ATIC: variants seen among roughly 807,000 people sequenced by gnomAD.
ATIC encodes the protein bifunctional purine biosynthesis protein ATIC.
A neutral mutation model predicts 72.5 loss-of-function variants in ATIC; 64 were observed. The ratio of observed to expected loss-of-function variants is 0.88; its 90% CI spans 0.72 to 1.09. The LOEUF (loss-of-function observed/expected upper bound fraction) is 1.09. Among genes scored for constraint, ATIC ranks in the 50% least tolerant of loss-of-function variants. ATIC has a pLI of 0.00. For synonymous variants in ATIC, 281 were observed against 267.1 expected (o/e 1.05, Z -0.51); for missense variants, 787 against 732.4 (o/e 1.07, Z -0.86).
rs540900909 is a variant in ATIC at position 215,323,121 on chromosome 2, A to T, written c.291-2120A>T. ...TACCATGCGCAGCTAATTTTTTTGT[A>T]TTTTTAGTAGAGACAGGGTTTCACC... is the stretch of plus-strand genomic sequence containing the variant. On this transcript the variant is annotated intron_variant, in intron 4 of 15. Transcript: ENST00000236959. Among the ~76,000 whole-genome samples the T allele has an allele frequency of 1.4e-4, 22 of 151,786 alleles. No homozygotes were observed. The South Asian group carries it at 4.2e-3, about 29-fold the overall frequency.
chr2:215,334,939 T>C lies in ATIC; in HGVS notation c.943T>C (p.Phe315Leu). Residue 315 changes from phenylalanine (F) to leucine (L), a missense_variant, in exon 10 of 16, where the codon TTT becomes CTT. Physicochemically the swap from Phe to Leu is conservative, Grantham distance 22. Transcript: ENST00000236959. ...RARGADRMSS[F>L]GDFVALSDVC... is the part of the protein sequence containing the mutation. Reference sequence around the variant, plus strand: ...TACAGGGGCTGATAGGATGTCTTCATTTGGTGATTTTGTTGCATTGTCCGA... The same window carrying C: ...TACAGGGGCTGATAGGATGTCTTCACTTGGTGATTTTGTTGCATTGTCCGA... The C allele has an allele frequency of 6.2e-7, 1 of 1,613,598 alleles. No homozygotes were observed. The highest frequency in any genetic ancestry group is 2.2e-5 in the East Asian group (1 of 44,758).
chr2:215,344,101 G>A (rs954084201), intron 12 of ATIC, among the ~76,000 whole-genome samples: 2 of 152,182 alleles, frequency 1.3e-5, no homozygotes, highest in Admixed American at 6.5e-5. Context: ...GGTTCTGAAC[G>A]TAAATTTTAC....
rs148997558 is a variant in ATIC, at chr2:215,339,217, T to G, written c.1227+310T>G. Among the ~76,000 whole-genome samples the G allele has an allele frequency of 5.2e-4, 79 of 152,340 alleles. 1 individual carries two copies. The highest frequency in any genetic ancestry group is 2.9e-4 in the Non-Finnish European group (20 of 68,028). On this transcript the variant is annotated intron_variant, in intron 12 of 15. Transcript: ENST00000236959. ...TCCATGTGCTAGGCTACAAATGTGT[T>G]TTTATATCAATACATATAGATGCTG...
At chr2:215,318,436 G>A (rs1196818916) in intron 3 of ATIC, among the ~76,000 whole-genome samples, 1 of 152,152 alleles carries the variant, frequency 6.6e-6, no homozygotes. Flanking sequence ...AATTCAGATT[G>A]TTTTCCTCTG....
At chr2:215,322,730 G>T (rs2052782408) in intron 4 of ATIC, among the ~76,000 whole-genome samples, 1 of 152,112 alleles carries the variant, frequency 6.6e-6, no homozygotes, top group Non-Finnish European at 1.5e-5. Context: ...TGAAATAGAA[G>T]TCTTATTTTA....
chr2:215,334,313 C>T (rs1049514801), intron 9 of ATIC, among the ~76,000 whole-genome samples: 1 of 150,436 alleles, frequency 6.6e-6, no homozygotes, highest in Non-Finnish European at 1.5e-5. Context: ...CCTGCCTCAG[C>T]GTCCTGAGTA....
At chr2:215,358,699 T>A in the ATIC span, among the ~76,000 whole-genome samples, 2 of 152,256 alleles carry the variant, frequency 1.3e-5, no homozygotes, top group Non-Finnish European at 2.9e-5. Context: ...TTTAATTTGC[T>A]ATTCGTTTAC....
intron 4 of ATIC, among the ~76,000 whole-genome samples, chr2:215,321,876 C>G (rs1164546587): frequency 6.6e-6 from 1 of 152,042 alleles, no homozygotes; most frequent in African/African-American, 2.4e-5. Context: ...ATTGTGTTAG[C>G]CTTTCTTGAT....
At position 215,334,916 on chromosome 2, in the gene ATIC, C is replaced by T; in HGVS notation, c.923-3C>T. ...AAATACCTCATTTTAATTTTATTTACAGGGGCTGATAGGATGTCTTCATTT... is the reference window on the plus strand; with the variant it reads ...AAATACCTCATTTTAATTTTATTTATAGGGGCTGATAGGATGTCTTCATTT... On this transcript the variant is annotated splice_polypyrimidine_tract_variant and splice_region_variant and intron_variant, in intron 9 of 15. Transcript: ENST00000236959. The T allele has an allele frequency of 2.5e-6, 4 of 1,611,768 alleles. No homozygotes were observed. Among genetic ancestry groups the T allele is most frequent in the South Asian group, 1.1e-5 (1 of 91,022 alleles).
intron 14 of ATIC, chr2:215,347,541 G>A (rs1034078705): frequency 6.2e-6 from 3 of 482,184 alleles, no homozygotes; most frequent in East Asian, 4.9e-5. Context: ...CAAAATGCTG[G>A]ATGGAAAACA....
chr2:215,340,067 G>A (rs561004305), intron 12 of ATIC, among the ~76,000 whole-genome samples: 1 of 152,288 alleles, frequency 6.6e-6, no homozygotes, highest in East Asian at 1.9e-4. Flanking sequence ...ATAGCTCACT[G>A]CAACGTGGAT....
intron 7 of ATIC, among the ~76,000 whole-genome samples, chr2:215,329,928 A>T (rs2106013554): frequency 6.6e-6 from 1 of 152,030 alleles, no homozygotes; most frequent in African/African-American, 2.4e-5. Context: ...GGCCCAGCTA[A>T]TTTTTGTATT....
chr2:215,314,437 A>G (rs1467581835), intron 2 of ATIC, among the ~76,000 whole-genome samples: 1 of 152,204 alleles, frequency 6.6e-6, no homozygotes, highest in East Asian at 1.9e-4. Context: ...AGGTGAGGAA[A>G]TTAAGCACAA....
At chr2:215,361,699 A>C in the ATIC span, 1 of 1,198,994 alleles carries the variant, frequency 8.3e-7, no homozygotes, top group Non-Finnish European at 1.2e-6. Flanking sequence ...AAATGCGGGG[A>C]GGTGGGGACT....
chr2:215,361,431 C>A, the ATIC span: 1 of 803,158 alleles, frequency 1.2e-6, no homozygotes, highest in South Asian at 1.4e-5. Context: ...AGCTGGAGAA[C>A]TTCCTCCAGA....
intron 9 of ATIC, among the ~76,000 whole-genome samples, chr2:215,334,173 A>G (rs2052928660): frequency 6.7e-6 from 1 of 150,022 alleles, no homozygotes; most frequent in Non-Finnish European, 1.5e-5. Context: ...CAAAATTGAA[A>G]TTACAAAAAG....
the ATIC span, among the ~76,000 whole-genome samples, chr2:215,355,517 A>G: frequency 6.6e-6 from 1 of 152,170 alleles, no homozygotes; most frequent in Non-Finnish European, 1.5e-5. Flanking sequence ...GCTTCTCTCC[A>G]GGCCACCTTT....
chr2:215,365,046 T>TC, the ATIC span: 1 of 1,073,142 alleles, frequency 9.3e-7, no homozygotes, highest in Non-Finnish European at 1.4e-6. Flanking sequence ...AGACTTGATC[T>TC]AGGGGTGGGT....
chr2:215,332,448 A>G lies in ATIC; in HGVS notation c.755A>G (p.Glu252Gly). Residue 252 changes from glutamate (E) to glycine (G), a missense_variant, in exon 8 of 16, where the codon GAA becomes GGA. Glu to Gly is a moderately conservative substitution (Grantham distance 98). Transcript: ENST00000236959. ...TTGAACGCCTGGCAGCTGGTGAAGG[A>G]ACTCAAGGAGGCTTTAGGTATTCCA... ...DALNAWQLVKELKEALGIPAA... is the reference protein window; with the variant it reads ...DALNAWQLVKGLKEALGIPAA... 1.2e-6 allele frequency: 2 copies of G among 1,614,144 alleles called. No homozygotes were observed. Among genetic ancestry groups the G allele is most frequent in the Non-Finnish European group, 1.7e-6 (2 of 1,180,032 alleles).
Sources: allele counts gnomAD v4.1 joint callset (sites outside exome capture counted in the v4.1 genomes callset), GRCh38; gene constraint gnomAD v4.1.1; transcripts MANE v1.5; gene names NCBI Gene and HGNC (gene_info 2026-07-23, HGNC 2026-07-21).